Variants in ESRRG observed in about 807,000 individuals in gnomAD.
ESRRG encodes estrogen-related receptor gamma.
In ESRRG, 13 loss-of-function variants were observed where a neutral mutation model predicts 44.0. That is an observed-to-expected ratio of 0.30 (90% confidence interval 0.19 to 0.47). The LOEUF is 0.47. ESRRG is among the 20% of genes least tolerant of loss of function. The probability of loss-of-function intolerance (pLI) is 1.00; values close to 1 mark genes in which losing one functional copy is unlikely to be tolerated. For synonymous variants in ESRRG, 215 were observed against 214.6 expected (o/e 1.00, Z -0.02); for missense variants, 395 against 580.6 (o/e 0.68, Z 3.29).
chr1:217,016,861 G>A (rs2079457780), intron 1 of ESRRG, among the ~76,000 whole-genome samples: 1 of 152,110 alleles, frequency 6.6e-6, no homozygotes, highest in South Asian at 2.1e-4. Context: ...TTGTCAATTA[G>A]AATATCCAAT....
At chr1:217,065,852 T>C (rs1474036212) in intron 1 of ESRRG, among the ~76,000 whole-genome samples, 16 of 152,150 alleles carry the variant, frequency 1.1e-4, no homozygotes, top group Admixed American at 1.0e-3. Flanking sequence ...AATAACACCA[T>C]AGAATAAAAG....
chr1:217,135,200 G>T (rs999925024), intron 1 of ESRRG, among the ~76,000 whole-genome samples: 1 of 152,058 alleles, frequency 6.6e-6, no homozygotes, highest in African/African-American at 2.4e-5. Flanking sequence ...AGCGCGCGGG[G>T]CAGCCCTCTA....
intron 2 of ESRRG, among the ~76,000 whole-genome samples, chr1:216,868,211 C>G (rs1386424384): frequency 6.6e-6 from 1 of 150,976 alleles, no homozygotes; most frequent in Non-Finnish European, 1.5e-5. Context: ...TCTCAGCCTC[C>G]CAAGTAGCTT....
At chr1:216,967,165 C>T (rs373109172) in intron 1 of ESRRG, among the ~76,000 whole-genome samples, 30 of 147,314 alleles carry the variant, frequency 2.0e-4, no homozygotes, top group African/African-American at 7.3e-4. Flanking sequence ...ACATACACAG[C>T]ATCGCCCCCC....
intron 3 of ESRRG, among the ~76,000 whole-genome samples, chr1:216,597,340 T>C (rs1280923804): frequency 6.6e-6 from 1 of 152,020 alleles, no homozygotes; most frequent in Non-Finnish European, 1.5e-5. Context: ...AGAAGGAGTA[T>C]AAGAAAGAAA....
chr1:216,747,150 T>C (rs2091491587), intron 2 of ESRRG, among the ~76,000 whole-genome samples: 1 of 152,204 alleles, frequency 6.6e-6, no homozygotes, highest in South Asian at 2.1e-4. Flanking sequence ...ATTTGTGAGA[T>C]AAATGATGTT....
At chr1:216,861,473 A>G (rs867403176) in intron 2 of ESRRG, among the ~76,000 whole-genome samples, 1 of 152,076 alleles carries the variant, frequency 6.6e-6, no homozygotes, top group African/African-American at 2.4e-5. Context: ...AAAATATCAC[A>G]CTGCATCTCA....
intron 6 of ESRRG, among the ~76,000 whole-genome samples, chr1:216,515,670 A>T (rs1029717866): frequency 6.6e-6 from 1 of 152,114 alleles, no homozygotes; most frequent in African/African-American, 2.4e-5. Context: ...ACTTGACTTG[A>T]AAAATGTTTA....
intron 1 of ESRRG, among the ~76,000 whole-genome samples, chr1:217,044,335 C>A (rs1332415224): frequency 6.6e-6 from 1 of 152,106 alleles, no homozygotes; most frequent in East Asian, 1.9e-4. Context: ...ACCATGGGGA[C>A]CCTCCTGCCA....
intron 1 of ESRRG, among the ~76,000 whole-genome samples, chr1:217,001,999 T>A (rs1452049159): frequency 6.7e-6 from 1 of 149,476 alleles, no homozygotes; most frequent in African/African-American, 2.5e-5. Context: ...CCATTATAAT[T>A]TTTTTTTTAA....
intron 1 of ESRRG, among the ~76,000 whole-genome samples, chr1:216,958,764 T>C (rs1364325832): frequency 6.6e-6 from 1 of 152,144 alleles, no homozygotes; most frequent in African/African-American, 2.4e-5. Flanking sequence ...TCTCATCTCC[T>C]AGTACTGCTC....
chr1:216,523,722 T>C (rs973319384), intron 5 of ESRRG, among the ~76,000 whole-genome samples: 1 of 152,090 alleles, frequency 6.6e-6, no homozygotes, highest in Non-Finnish European at 1.5e-5. Flanking sequence ...AGGCATTTTC[T>C]TCTCGGCTGC....
chr1:216,608,121 A>G (rs575358462), intron 3 of ESRRG, among the ~76,000 whole-genome samples: 1 of 152,222 alleles, frequency 6.6e-6, no homozygotes, highest in African/African-American at 2.4e-5. Context: ...GGTATTTGCT[A>G]TATGAGACAC....
At chr1:216,857,331 C>A (rs58216099) in intron 2 of ESRRG, among the ~76,000 whole-genome samples, 1,744 of 151,380 alleles carry the variant, frequency 0.012, 27 homozygotes, top group African/African-American at 0.04. Context: ...TGAAGACATT[C>A]CTTTCCTATT....
At chr1:216,552,885 A>T (rs1318822520) in intron 5 of ESRRG, among the ~76,000 whole-genome samples, 1 of 152,192 alleles carries the variant, frequency 6.6e-6, no homozygotes, top group Admixed American at 6.5e-5. Context: ...AACATTTATT[A>T]TAAAGCTCTC....
chr1:216,606,339 C>T (rs1558773739), intron 3 of ESRRG, among the ~76,000 whole-genome samples: 2 of 152,168 alleles, frequency 1.3e-5, no homozygotes, highest in Non-Finnish European at 2.9e-5. Context: ...TAGTAAACGC[C>T]AGAGACTAAT....
At chr1:216,714,550 G>A (rs2084382611) in intron 1 of ESRRG, 1 of 976,208 alleles carries the variant, frequency 1.0e-6, no homozygotes, top group Admixed American at 6.2e-5. Context: ...AAGCAAGGCT[G>A]TCACATATGG....
At chr1:216,702,349 C>G (rs1477531557) in intron 1 of ESRRG, among the ~76,000 whole-genome samples, 1 of 152,116 alleles carries the variant, frequency 6.6e-6, no homozygotes, top group Non-Finnish European at 1.5e-5. Flanking sequence ...GTAGGCTGTG[C>G]TGATTCATGC....
rs184517258 is a variant in ESRRG at position 216,928,397 on chromosome 1, A to G, written c.-14+11185T>C. 2.4e-3 allele frequency among the ~76,000 whole-genome samples: 366 copies of G among 152,296 alleles called. 1 individual carries two copies. Among genetic ancestry groups the G allele is most frequent in the African/African-American group, 8.4e-3 (348 of 41,578 alleles). On this transcript the variant is annotated intron_variant, in intron 2 of 7. Coordinates refer to the ESRRG transcript ENST00000359162. ...ACAAGGGAAGGTTAAAAAGAGGAGCATCTCTCAACCCCACTTCTCAATATT... is the reference window on the plus strand; with the variant it reads ...ACAAGGGAAGGTTAAAAAGAGGAGCGTCTCTCAACCCCACTTCTCAATATT...
Sources: gnomAD v4.1 joint callset for allele counts (sites outside exome capture counted in the v4.1 genomes callset) on GRCh38, gnomAD v4.1.1 for gene constraint, MANE v1.5 for transcripts, NCBI Gene and HGNC (gene_info 2026-07-23, HGNC 2026-07-21) for gene names.